The following HMGA2 variants were observed in gnomAD, a reference collection of about 807,000 sequenced individuals.
HMGA2 encodes high mobility group AT-hook 2.
In HMGA2, 8 loss-of-function variants were observed where a neutral mutation model predicts 19.1. That is an observed-to-expected ratio of 0.42 (90% CI 0.25 to 0.76). The LOEUF (loss-of-function observed/expected upper bound fraction) is 0.76, where lower values mean the gene tolerates loss of function less well. Ranked by LOEUF, HMGA2 falls within the 30% of genes least tolerant of loss-of-function variation. The pLI, the probability that HMGA2 is intolerant of heterozygous loss-of-function variation, is 0.28. For missense variants in HMGA2, 109 were observed against 136.3 expected (o/e 0.80, Z 1.00); for synonymous variants, 60 against 48.8 (o/e 1.23, Z -0.96).
intron 2 of HMGA2, among the ~76,000 whole-genome samples, chr12:65,834,243 G>A (rs117201657): frequency 0.016 from 2,500 of 152,230 alleles, 31 homozygotes; most frequent in Middle Eastern, 0.024. Context: ...TGGAAATTAC[G>A]CTTTGGGAAA....
chr12:65,852,038 G>T (rs1871499311), intron 3 of HMGA2, among the ~76,000 whole-genome samples: 1 of 151,670 alleles, frequency 6.6e-6, no homozygotes, highest in Non-Finnish European at 1.5e-5. Flanking sequence ...TTTGTACAAG[G>T]TACAGTTTGT....
At chr12:65,872,870 G>A (rs1222903886) in intron 3 of HMGA2, among the ~76,000 whole-genome samples, 2 of 152,096 alleles carry the variant, frequency 1.3e-5, no homozygotes, top group Non-Finnish European at 2.9e-5. Flanking sequence ...TTATAGCATT[G>A]GGCCTAGTTT....
At chr12:65,936,259 T>C (rs1005713310) in intron 3 of HMGA2, among the ~76,000 whole-genome samples, 3 of 151,232 alleles carry the variant, frequency 2.0e-5, no homozygotes, top group Non-Finnish European at 4.4e-5. Flanking sequence ...AGGATATCCC[T>C]ATCCACAAAT....
At chr12:65,891,928 A>T (rs754513490) in intron 3 of HMGA2, among the ~76,000 whole-genome samples, 2 of 152,182 alleles carry the variant, frequency 1.3e-5, no homozygotes, top group Non-Finnish European at 2.9e-5. Flanking sequence ...TGTGTGTTTC[A>T]TCCTCTCTTG....
chr12:65,962,413 G>A (rs956687188), intron 4 of HMGA2, among the ~76,000 whole-genome samples: 4 of 152,174 alleles, frequency 2.6e-5, no homozygotes, highest in African/African-American at 9.7e-5. Context: ...AGGGGGCCTT[G>A]CAAAAACATA....
intron 4 of HMGA2, chr12:65,952,638 T>G (rs1475871859): frequency 1.7e-6 from 1 of 584,694 alleles, no homozygotes; most frequent in Non-Finnish European, 2.6e-6. Context: ...TAAAAATATA[T>G]ACATATAAAC....
intron 3 of HMGA2, among the ~76,000 whole-genome samples, chr12:65,909,694 T>G (rs1159748992): frequency 6.6e-6 from 1 of 152,208 alleles, no homozygotes; most frequent in Non-Finnish European, 1.5e-5. Flanking sequence ...TGTCTTTGCC[T>G]CTTTTTTGCC....
At chr12:65,928,876 C>T (rs553172559) in intron 3 of HMGA2, among the ~76,000 whole-genome samples, 3 of 151,922 alleles carry the variant, frequency 2.0e-5, no homozygotes, top group East Asian at 1.9e-4. Context: ...TATTTATATC[C>T]GTATAAAGAT....
At chr12:65,937,067 G>A (rs766767318) in intron 3 of HMGA2, among the ~76,000 whole-genome samples, 14 of 152,048 alleles carry the variant, frequency 9.2e-5, no homozygotes, top group Non-Finnish European at 1.6e-4. Context: ...TCCATATCCT[G>A]GAAAGAGCAA....
At chr12:65,867,151 A>G (rs764375729) in intron 3 of HMGA2, among the ~76,000 whole-genome samples, 2 of 152,216 alleles carry the variant, frequency 1.3e-5, no homozygotes, top group Non-Finnish European at 2.9e-5. Flanking sequence ...TTGACACTAA[A>G]TTGAGGGCCT....
intron 3 of HMGA2, among the ~76,000 whole-genome samples, chr12:65,945,113 G>A (rs1876218529): frequency 6.6e-6 from 1 of 151,966 alleles, no homozygotes. Context: ...TCCTGGGAGG[G>A]CAGAGATGGA....
chr12:65,842,603 A>G (rs981836373), intron 3 of HMGA2: 6 of 1,535,292 alleles, frequency 3.9e-6, no homozygotes, highest in East Asian at 4.9e-5. Flanking sequence ...GGAGTTTTAC[A>G]TTGCAGCTTA....
intron 3 of HMGA2, among the ~76,000 whole-genome samples, chr12:65,891,621 G>A (rs908901474): frequency 6.6e-6 from 1 of 152,142 alleles, no homozygotes; most frequent in East Asian, 1.9e-4. Context: ...ATAATAAAAT[G>A]CCCAAGATGG....
chr12:65,841,884 G>C (rs1203922222), intron 3 of HMGA2, among the ~76,000 whole-genome samples: 1 of 152,154 alleles, frequency 6.6e-6, no homozygotes, highest in Admixed American at 6.5e-5. Context: ...ACTTGCATCA[G>C]TCTTGCTTTC....
intron 3 of HMGA2, among the ~76,000 whole-genome samples, chr12:65,896,332 C>A (rs1404774135): frequency 6.6e-6 from 1 of 152,236 alleles, no homozygotes; most frequent in African/African-American, 2.4e-5. Flanking sequence ...GCTACAAAGG[C>A]CCTTTGGCGA....
chr12:65,907,069 G>A (rs1016613789), intron 3 of HMGA2, among the ~76,000 whole-genome samples: 15 of 152,088 alleles, frequency 9.9e-5, no homozygotes, highest in Admixed American at 7.9e-4. Context: ...ACCTGAAAAC[G>A]AGTGGGAGCC....
intron 3 of HMGA2, among the ~76,000 whole-genome samples, chr12:65,845,755 G>A (rs566959719): frequency 6.6e-5 from 10 of 152,112 alleles, no homozygotes; most frequent in Non-Finnish European, 1.0e-4. Flanking sequence ...TAATTTATCC[G>A]TGCCTTTTCT....
chr12:65,828,169 C>A, intron 2 of HMGA2, 82 bp downstream of exon 2: 1 of 1,010,110 alleles, frequency 9.9e-7, no homozygotes, highest in Non-Finnish European at 1.6e-6. Flanking sequence ...CATTCTAACT[C>A]CGCAGCCAGG....
intron 3 of HMGA2, among the ~76,000 whole-genome samples, chr12:65,843,817 G>A (rs928200638): frequency 6.6e-6 from 1 of 152,264 alleles, no homozygotes; most frequent in South Asian, 2.1e-4. Context: ...GGGAGGCCAA[G>A]GCGGGCAGAT....
Sources: allele counts gnomAD v4.1 joint callset (sites outside exome capture counted in the v4.1 genomes callset), GRCh38; gene constraint gnomAD v4.1.1; transcripts MANE v1.5; gene names NCBI Gene and HGNC (gene_info 2026-07-23, HGNC 2026-07-21).